The following CNBD1 variants were observed in gnomAD, a reference collection of about 807,000 sequenced individuals.
The protein encoded by CNBD1 is cyclic nucleotide binding domain containing 1, also known as cyclic nucleotide-binding domain-containing protein 1.
Under a neutral mutation model 54.4 loss-of-function variants are expected in CNBD1, and 71 were observed. That is an observed-to-expected ratio of 1.30 (90% CI 1.08 to 1.59). The LOEUF is 1.59. CNBD1 is among the 40% of genes most tolerant of loss of function. The probability of loss-of-function intolerance (pLI) is 0.00; values close to 1 mark genes in which losing one functional copy is unlikely to be tolerated. For missense variants in CNBD1, 659 were observed against 518.0 expected (o/e 1.27, Z -2.64); for synonymous variants, 182 against 170.7 (o/e 1.07, Z -0.51).
intron 10 of CNBD1, among the ~76,000 whole-genome samples, chr8:87,379,137 A>G (rs1811018551): frequency 1.3e-5 from 2 of 151,814 alleles, no homozygotes; most frequent in African/African-American, 2.4e-5. Context: ...CTAATTGAAT[A>G]CCCTTTATTT....
chr8:87,271,985 A>G (rs1258338773), intron 6 of CNBD1, among the ~76,000 whole-genome samples: 1 of 152,006 alleles, frequency 6.6e-6, no homozygotes, highest in Admixed American at 6.6e-5. Flanking sequence ...TGATTGTGTA[A>G]CGTAAAGTAA....
intron 4 of CNBD1, among the ~76,000 whole-genome samples, chr8:87,142,570 CAT>C (rs1024734881): frequency 4.6e-5 from 7 of 151,988 alleles, no homozygotes; most frequent in African/African-American, 1.4e-4. Flanking sequence ...AAACATAAAA[CAT>C]AAAAATTACA....
chr8:87,260,395 G>C (rs1239287867), intron 6 of CNBD1, among the ~76,000 whole-genome samples: 1 of 152,126 alleles, frequency 6.6e-6, no homozygotes, highest in Non-Finnish European at 1.5e-5. Context: ...CTTGAGCAGT[G>C]AGCTTATGGG....
At chr8:86,959,849 C>T (rs1807881765) in intron 4 of CNBD1, among the ~76,000 whole-genome samples, 1 of 152,180 alleles carries the variant, frequency 6.6e-6, no homozygotes. Context: ...AAGCCTTCTT[C>T]TCTCCACTCG....
At chr8:87,073,797 G>A (rs1400128293) in intron 4 of CNBD1, among the ~76,000 whole-genome samples, 2 of 151,998 alleles carry the variant, frequency 1.3e-5, no homozygotes, top group Admixed American at 6.6e-5. Context: ...CAGGATCAGG[G>A]ACCTTCCTAA....
intron 4 of CNBD1, among the ~76,000 whole-genome samples, chr8:87,170,803 A>G (rs936125368): frequency 6.6e-6 from 1 of 152,118 alleles, no homozygotes; most frequent in Non-Finnish European, 1.5e-5. Context: ...TGTTGATATG[A>G]TATATTACAT....
At chr8:87,423,443 ATGTCCC>A (rs1321152183) in intron 2 of CNBD1, among the ~76,000 whole-genome samples, 9 of 151,942 alleles carry the variant, frequency 5.9e-5, no homozygotes, top group African/African-American at 2.2e-4. Flanking sequence ...ATTTTGAAAT[ATGTCCC>A]ATCAGTACCT....
At chr8:87,370,471 T>C (rs1387811184) in intron 10 of CNBD1, among the ~76,000 whole-genome samples, 14 of 152,186 alleles carry the variant, frequency 9.2e-5, no homozygotes, top group Non-Finnish European at 2.1e-4. Context: ...ATTTCTCTGA[T>C]GGCCAGTGAT....
intron 8 of CNBD1, among the ~76,000 whole-genome samples, chr8:87,308,683 A>G (rs2130888742): frequency 6.6e-6 from 1 of 152,212 alleles, no homozygotes; most frequent in South Asian, 2.1e-4. Context: ...GGAACACTAG[A>G]ATTTGTTCCT....
chr8:87,252,916 A>G (rs1403514492), intron 6 of CNBD1, among the ~76,000 whole-genome samples: 1 of 152,134 alleles, frequency 6.6e-6, no homozygotes, highest in East Asian at 1.9e-4. Context: ...GGCTTGACTA[A>G]GTAGAAAGGA....
At chr8:87,334,045 G>T (rs1156800823) in intron 8 of CNBD1, among the ~76,000 whole-genome samples, 1 of 152,110 alleles carries the variant, frequency 6.6e-6, no homozygotes, top group South Asian at 2.1e-4. Flanking sequence ...GTTTATTACT[G>T]CCTGAATTTC....
intron 8 of CNBD1, among the ~76,000 whole-genome samples, chr8:87,335,218 G>A (rs1243642901): frequency 1.3e-5 from 2 of 152,098 alleles, no homozygotes; most frequent in Non-Finnish European, 2.9e-5. Context: ...TATCTATTAG[G>A]TCCACTTGAT....
intron 4 of CNBD1, among the ~76,000 whole-genome samples, chr8:86,993,030 C>T (rs1343966269): frequency 6.6e-6 from 1 of 152,092 alleles, no homozygotes; most frequent in Non-Finnish European, 1.5e-5. Flanking sequence ...TTTCATGGAC[C>T]ATGTCTTCAA....
chr8:87,163,538 CTAAGTATTTAAAATATTAAATATTT>C lies in CNBD1; in HGVS notation c.432-42453_432-42429del, dbSNP rs1279050865. On this transcript the variant is annotated intron_variant, in intron 4 of 10. Coordinates refer to ENST00000518476, the MANE Select transcript of CNBD1 (RefSeq NM_173538.3). This position sits in a 1 kb window ranked among gnomAD's most constrained non-coding sequence, Gnocchi z 4.5. ...CTTACCTCCTTGGTTAAATTTATTC[CTAAGTATTTAAAATATTAAATATTT>C]TTTTGTTGCTGTTGTAATTGACATT... Among the ~76,000 whole-genome samples the C allele has an allele frequency of 1.3e-5, 2 of 151,642 alleles. No individual in the cohort carries two copies. The highest frequency in any genetic ancestry group is 4.8e-5 in the African/African-American group (2 of 41,336).
chr8:87,321,506 T>C (rs1214841306), intron 8 of CNBD1, among the ~76,000 whole-genome samples: 1 of 152,306 alleles, frequency 6.6e-6, no homozygotes, highest in East Asian at 1.9e-4. Context: ...GAGAAATATC[T>C]ATTCAAATCT....
chr8:86,967,145 C>G (rs1401906708), intron 4 of CNBD1, among the ~76,000 whole-genome samples: 1 of 152,216 alleles, frequency 6.6e-6, no homozygotes, highest in Non-Finnish European at 1.5e-5. Flanking sequence ...GGCAGCCAGA[C>G]CAGACACCCT....
At chr8:87,136,506 C>T (rs1812230223) in intron 4 of CNBD1, among the ~76,000 whole-genome samples, 1 of 121,144 alleles carries the variant, frequency 8.3e-6, no homozygotes, top group African/African-American at 3.1e-5. Flanking sequence ...TTTTTTACTT[C>T]CTTATTTTTA....
At chr8:86,973,310 C>T (rs983202916) in intron 4 of CNBD1, among the ~76,000 whole-genome samples, 14 of 152,146 alleles carry the variant, frequency 9.2e-5, no homozygotes, top group African/African-American at 3.4e-4. Flanking sequence ...TAAAAATTTA[C>T]AGTTATCTTT....
intron 4 of CNBD1, among the ~76,000 whole-genome samples, chr8:87,027,712 C>T (rs1381903441): frequency 1.3e-5 from 2 of 152,234 alleles, no homozygotes; most frequent in Non-Finnish European, 2.9e-5. Flanking sequence ...AGCCTAAATA[C>T]ACGGGACTCC....
Sources: gnomAD v4.1 joint callset for allele counts (sites outside exome capture counted in the v4.1 genomes callset) on GRCh38, gnomAD v4.1.1 for gene constraint, Gnocchi (gnomAD v3.1) non-coding constraint, MANE v1.5 for transcripts, NCBI Gene and HGNC (gene_info 2026-07-23, HGNC 2026-07-21) for gene names.